The following ASCC3 variants were observed in gnomAD, a reference collection of about 807,000 sequenced individuals.
The protein encoded by ASCC3 is activating signal cointegrator 1 complex subunit 3.
ASCC3 carries 158 observed loss-of-function variants against 256.3 expected under a neutral mutation model. That is an observed-to-expected ratio of 0.62 (90% CI 0.54 to 0.70). ASCC3 has a LOEUF of 0.70. Among genes scored for constraint, ASCC3 ranks in the 30% least tolerant of loss-of-function variants. The probability of loss-of-function intolerance (pLI) is 0.00; values close to 1 mark genes in which losing one functional copy is unlikely to be tolerated. For missense variants in ASCC3, 2,259 were observed against 2,626.0 expected (o/e 0.86, Z 3.05); for synonymous variants, 948 against 883.4 (o/e 1.07, Z -1.30).
chr6:100,796,139 A>T (rs1227534247), intron 8 of ASCC3, among the ~76,000 whole-genome samples: 2 of 152,214 alleles, frequency 1.3e-5, no homozygotes, highest in Admixed American at 6.5e-5. Flanking sequence ...TAAAAATACA[A>T]ATAATACATA....
intron 36 of ASCC3, among the ~76,000 whole-genome samples, chr6:100,552,125 TAA>T (rs1769331933): frequency 6.6e-6 from 1 of 151,634 alleles, no homozygotes; most frequent in Non-Finnish European, 1.5e-5. Context: ...AGATGTGCTG[TAA>T]ATGTTAGAAA....
intron 13 of ASCC3, among the ~76,000 whole-genome samples, chr6:100,707,433 A>G (rs1036938566): frequency 6.6e-6 from 1 of 152,088 alleles, no homozygotes; most frequent in African/African-American, 2.4e-5. Flanking sequence ...ATGGAAGGAC[A>G]AATACCAACA....
chr6:100,807,241 A>G (rs1770230712), intron 4 of ASCC3, among the ~76,000 whole-genome samples: 1 of 151,978 alleles, frequency 6.6e-6, no homozygotes, highest in Non-Finnish European at 1.5e-5. Flanking sequence ...AAGAAGCAAG[A>G]TAACAGGAAA....
At chr6:100,770,969 A>C (rs531991262) in intron 8 of ASCC3, among the ~76,000 whole-genome samples, 9 of 152,158 alleles carry the variant, frequency 5.9e-5, no homozygotes, top group Non-Finnish European at 1.0e-4. Context: ...CATGACCTAG[A>C]AGGAACAAAA....
chr6:100,581,100 A>G (rs1177094334), intron 36 of ASCC3, among the ~76,000 whole-genome samples: 1 of 152,128 alleles, frequency 6.6e-6, no homozygotes, highest in Non-Finnish European at 1.5e-5. Flanking sequence ...TATACCCAGT[A>G]ATGGGATGGC....
At chr6:100,603,945 A>C (rs1236560131) in intron 33 of ASCC3, among the ~76,000 whole-genome samples, 1 of 152,056 alleles carries the variant, frequency 6.6e-6, no homozygotes, top group East Asian at 1.9e-4. Context: ...CTGGTGTCAT[A>C]AAACAAGCTG....
chr6:100,807,177 A>C (rs1582892250), intron 4 of ASCC3, among the ~76,000 whole-genome samples: 1 of 152,112 alleles, frequency 6.6e-6, no homozygotes, highest in East Asian at 1.9e-4. Context: ...GTAATATAAA[A>C]GACATTAATT....
At chr6:100,529,362 C>A (rs993127376) in intron 37 of ASCC3, among the ~76,000 whole-genome samples, 1 of 151,942 alleles carries the variant, frequency 6.6e-6, no homozygotes, top group Non-Finnish European at 1.5e-5. Flanking sequence ...GTTTATATAG[C>A]ATAATATAAA....
chr6:100,510,892 T>C (rs1773727400), intron 40 of ASCC3, among the ~76,000 whole-genome samples: 2 of 152,280 alleles, frequency 1.3e-5, no homozygotes, highest in Admixed American at 6.5e-5. Flanking sequence ...CTCAGTATTC[T>C]AGAGGGAGAT....
intron 36 of ASCC3, among the ~76,000 whole-genome samples, chr6:100,567,039 CTTGTTTTT>C (rs1160399078): frequency 3.9e-5 from 6 of 151,916 alleles, no homozygotes; most frequent in African/African-American, 1.2e-4. Flanking sequence ...CTATCCCCTT[CTTGTTTTT>C]TTAGTGACTA....
intron 4 of ASCC3, among the ~76,000 whole-genome samples, chr6:100,821,357 C>T (rs1365648710): frequency 1.3e-5 from 2 of 152,086 alleles, no homozygotes; most frequent in Non-Finnish European, 2.9e-5. Flanking sequence ...CCCAATAATT[C>T]CCTCTAGGTA....
At chr6:100,740,478 T>C (rs934477013) in intron 10 of ASCC3, among the ~76,000 whole-genome samples, 4 of 152,170 alleles carry the variant, frequency 2.6e-5, no homozygotes, top group African/African-American at 9.7e-5. Flanking sequence ...GGGCAGGTCA[T>C]GAATATCTTT....
chr6:100,639,191 T>A (rs1024400088), intron 24 of ASCC3, among the ~76,000 whole-genome samples: 1 of 152,226 alleles, frequency 6.6e-6, no homozygotes, highest in Non-Finnish European at 1.5e-5. Context: ...AACACTGAAA[T>A]GATTACTAAC....
At chr6:100,528,059 G>A (rs568170581) in intron 37 of ASCC3, among the ~76,000 whole-genome samples, 2 of 151,304 alleles carry the variant, frequency 1.3e-5, no homozygotes, top group African/African-American at 4.9e-5. Flanking sequence ...GGCTGTTCTC[G>A]AATTCCTGGC....
chr6:100,526,338 A>G (rs963490177), intron 37 of ASCC3, among the ~76,000 whole-genome samples: 17 of 152,196 alleles, frequency 1.1e-4, no homozygotes, highest in African/African-American at 4.1e-4. Flanking sequence ...CATTTCCTAC[A>G]GCCCCAACCG....
chr6:100,567,284 CTGTT>C (rs1202031339), intron 36 of ASCC3, among the ~76,000 whole-genome samples: 7 of 152,166 alleles, frequency 4.6e-5, no homozygotes, highest in Admixed American at 3.9e-4. Context: ...GCTACATACA[CTGTT>C]TGTACCTTAA....
intron 10 of ASCC3, among the ~76,000 whole-genome samples, chr6:100,733,223 CG>C (rs1340940519): frequency 6.6e-6 from 1 of 152,086 alleles, no homozygotes; most frequent in African/African-American, 2.4e-5. Flanking sequence ...ACTTTAAGAG[CG>C]GTTTCTTCTA....
At chr6:100,873,424 G>A (rs1464928073) in intron 1 of ASCC3, among the ~76,000 whole-genome samples, 1 of 152,118 alleles carries the variant, frequency 6.6e-6, no homozygotes, top group Non-Finnish European at 1.5e-5. Flanking sequence ...TGAGGAAGAA[G>A]AGAAATCTAA....
intron 10 of ASCC3, among the ~76,000 whole-genome samples, chr6:100,731,265 C>G (rs1779891871): frequency 6.6e-6 from 1 of 152,044 alleles, no homozygotes; most frequent in Non-Finnish European, 1.5e-5. Context: ...ATCTGAAACA[C>G]AATTCTTTTT....
Sources: gnomAD v4.1 joint callset for allele counts (sites outside exome capture counted in the v4.1 genomes callset) on GRCh38, gnomAD v4.1.1 for gene constraint, MANE v1.5 for transcripts, NCBI Gene and HGNC (gene_info 2026-07-23, HGNC 2026-07-21) for gene names.